Variants in SLC22A24 observed in about 807,000 individuals in gnomAD.
SLC22A24 encodes steroid transmembrane transporter SLC22A24.
A neutral mutation model predicts 49.8 loss-of-function variants in SLC22A24; 53 were observed. The observed-to-expected ratio is 1.06, with a 90% confidence interval of 0.85 to 1.34. The LOEUF (loss-of-function observed/expected upper bound fraction) is 1.34, where lower values mean the gene tolerates loss of function less well. Ranked by LOEUF, SLC22A24 falls within the 40% of genes most tolerant of loss-of-function variation. The pLI, the probability that SLC22A24 is intolerant of heterozygous loss-of-function variation, is 0.00. For synonymous variants in SLC22A24, 302 were observed against 256.4 expected (o/e 1.18, Z -1.70); for missense variants, 786 against 675.9 (o/e 1.16, Z -1.81).
intron 6 of SLC22A24, among the ~76,000 whole-genome samples, chr11:63,095,044 G>C (rs1446134590): frequency 2.0e-5 from 3 of 152,138 alleles, no homozygotes; most frequent in African/African-American, 7.2e-5. Context: ...TTTTAGACAT[G>C]AAGTCCTTGC....
chr11:63,134,004 A>G (rs1430378832), intron 2 of SLC22A24, among the ~76,000 whole-genome samples: 3 of 152,234 alleles, frequency 2.0e-5, no homozygotes, highest in African/African-American at 2.4e-5. Context: ...GTAGATTAGT[A>G]GATAAATACA....
At chr11:63,122,698 T>C (rs1339068955) in intron 2 of SLC22A24, among the ~76,000 whole-genome samples, 2 of 152,052 alleles carry the variant, frequency 1.3e-5, no homozygotes, top group African/African-American at 4.8e-5. Context: ...TATTTTGTAT[T>C]TTTAGTAGAG....
intron 4 of SLC22A24, among the ~76,000 whole-genome samples, chr11:63,107,528 G>A (rs147251686): frequency 9.2e-5 from 14 of 152,138 alleles, no homozygotes; most frequent in Non-Finnish European, 1.6e-4. Context: ...TGGGCAATAT[G>A]GCCATTTTCA....
chr11:63,133,497 C>T (rs1306025710), intron 2 of SLC22A24, among the ~76,000 whole-genome samples: 1 of 152,170 alleles, frequency 6.6e-6, no homozygotes, highest in Admixed American at 6.5e-5. Context: ...TGACATTGAG[C>T]ATCTAAACTC....
chr11:63,089,177 T>C (rs2135195131), intron 6 of SLC22A24, among the ~76,000 whole-genome samples: 1 of 152,128 alleles, frequency 6.6e-6, no homozygotes, highest in Middle Eastern at 3.4e-3. Flanking sequence ...GCCAGAAAGG[T>C]CAGGTTACCT....
At chr11:63,119,930 T>G (rs1204866192) in intron 2 of SLC22A24, among the ~76,000 whole-genome samples, 1 of 151,866 alleles carries the variant, frequency 6.6e-6, no homozygotes, top group Non-Finnish European at 1.5e-5. Context: ...TTTTGAGAAG[T>G]GTCTGTTCAT....
At chr11:63,112,831 G>T (rs1028634786) in intron 4 of SLC22A24, among the ~76,000 whole-genome samples, 1 of 150,884 alleles carries the variant, frequency 6.6e-6, no homozygotes, top group African/African-American at 2.4e-5. Flanking sequence ...GGCTAATATG[G>T]TGAAACCCCG....
At chr11:63,116,997 A>G (rs2087217136) in intron 4 of SLC22A24, among the ~76,000 whole-genome samples, 4 of 151,966 alleles carry the variant, frequency 2.6e-5, no homozygotes, top group Admixed American at 2.6e-4. Flanking sequence ...TTACTTATTT[A>G]GACATGGTTT....
chr11:63,107,688 T>C (rs2087130959), intron 4 of SLC22A24, among the ~76,000 whole-genome samples: 1 of 152,170 alleles, frequency 6.6e-6, no homozygotes, highest in South Asian at 2.1e-4. Flanking sequence ...TTATTCTCTT[T>C]GAAGCAATTG....
intron 1 of SLC22A24, 109 bp from the exon 2 acceptor site, chr11:63,134,877 G>C: frequency 1.5e-6 from 1 of 668,684 alleles, no homozygotes; most frequent in Non-Finnish European, 2.5e-6. Context: ...CTGCTAGGCA[G>C]GTCCTGCCTC....
At chr11:63,091,237 A>T (rs1004188042) in intron 6 of SLC22A24, among the ~76,000 whole-genome samples, 2 of 152,196 alleles carry the variant, frequency 1.3e-5, no homozygotes, top group African/African-American at 4.8e-5. Flanking sequence ...GGACGATAAC[A>T]TGTTCTGAAA....
intron 4 of SLC22A24, among the ~76,000 whole-genome samples, chr11:63,108,100 TAC>T (rs2087134417): frequency 1.3e-5 from 2 of 152,206 alleles, no homozygotes; most frequent in Non-Finnish European, 2.9e-5. Context: ...TATTTTGAGA[TAC>T]ATCCCATCAA....
intron 4 of SLC22A24, among the ~76,000 whole-genome samples, chr11:63,114,894 G>T (rs564241564): frequency 6.6e-5 from 10 of 152,258 alleles, no homozygotes; most frequent in African/African-American, 2.4e-4. Flanking sequence ...TGGAGGTTTT[G>T]CAGAACAGCA....
chr11:63,107,249 T>C (rs1341614257), intron 4 of SLC22A24, among the ~76,000 whole-genome samples: 1 of 152,106 alleles, frequency 6.6e-6, no homozygotes, highest in Non-Finnish European at 1.5e-5. Context: ...TGTAGATGTG[T>C]GGTGTTATTT....
At chr11:63,125,372 T>G (rs1402258811) in intron 2 of SLC22A24, among the ~76,000 whole-genome samples, 1 of 152,148 alleles carries the variant, frequency 6.6e-6, no homozygotes, top group Non-Finnish European at 1.5e-5. Context: ...GTGTTCTCAT[T>G]GTTCAACTCC....
chr11:63,137,877 G>T (rs2087386755), intron 1 of SLC22A24: 1 of 152,160 alleles, frequency 6.6e-6, no homozygotes, highest in African/African-American at 2.4e-5. Context: ...CCAGCAAAAA[G>T]GGTAAGAAAT....
intron 6 of SLC22A24, among the ~76,000 whole-genome samples, chr11:63,083,856 A>G (rs932731556): frequency 2.0e-5 from 3 of 152,152 alleles, no homozygotes; most frequent in Admixed American, 6.6e-5. Flanking sequence ...AGATGATGGA[A>G]ATTAGGGGAA....
chr11:63,102,220 A>C (rs1419410283), intron 5 of SLC22A24, among the ~76,000 whole-genome samples: 1 of 152,156 alleles, frequency 6.6e-6, no homozygotes, highest in Non-Finnish European at 1.5e-5. Flanking sequence ...AATATTTATA[A>C]CTACTATGTA....
rs887225062 is a variant in SLC22A24, at chr11:63,104,415, C to G, written c.831-117G>C. The G allele has an allele frequency of 1.1e-5, 13 of 1,172,622 alleles. 1 individual carries two copies. The highest frequency in any genetic ancestry group is 1.4e-5 in the Non-Finnish European group (12 of 860,000). 72.6% of individuals were successfully genotyped at this position (1,172,622 alleles called of 1,614,324 possible). On this transcript the variant is annotated intron_variant, in intron 4 of 9. Coordinates refer to ENST00000612278, the MANE Select transcript of SLC22A24 (RefSeq NM_001136506.2). Reference sequence around the variant, plus strand: ...CAGACATTATAAATTATAGTAGAGTCATTTCTGACCAAATTGGCCTCCTCT... The same window carrying G: ...CAGACATTATAAATTATAGTAGAGTGATTTCTGACCAAATTGGCCTCCTCT...
Sources: allele counts gnomAD v4.1 joint callset (sites outside exome capture counted in the v4.1 genomes callset), GRCh38; gene constraint gnomAD v4.1.1; transcripts MANE v1.5; gene names NCBI Gene and HGNC (gene_info 2026-07-23, HGNC 2026-07-21).